The following PGS1 variants were observed in gnomAD, a reference collection of about 807,000 sequenced individuals.
PGS1 encodes CDP-diacylglycerol--glycerol-3-phosphate 3-phosphatidyltransferase, mitochondrial.
A neutral mutation model predicts 58.3 loss-of-function variants in PGS1; 44 were observed. That is an observed-to-expected ratio of 0.75 (90% confidence interval 0.59 to 0.97). The LOEUF (loss-of-function observed/expected upper bound fraction) is 0.97, where lower values mean the gene tolerates loss of function less well. Ranked by LOEUF, PGS1 falls within the 50% of genes least tolerant of loss-of-function variation. The probability of loss-of-function intolerance (pLI) is 0.00; values close to 1 mark genes in which losing one functional copy is unlikely to be tolerated. For missense variants in PGS1, 684 were observed against 731.1 expected (o/e 0.94, Z 0.74); for synonymous variants, 330 against 311.0 (o/e 1.06, Z -0.64).
At chr17:78,379,795 C>T (rs907078401) in intron 1 of PGS1, among the ~76,000 whole-genome samples, 5 of 151,370 alleles carry the variant, frequency 3.3e-5, no homozygotes, top group Admixed American at 2.0e-4. Flanking sequence ...CCTCATTGCA[C>T]TCCAGCCTAG....
chr17:78,399,064 C>T (rs2083455503), intron 4 of PGS1, among the ~76,000 whole-genome samples: 1 of 152,158 alleles, frequency 6.6e-6, no homozygotes, highest in South Asian at 2.1e-4. Flanking sequence ...TGGGGTAGTG[C>T]CCCAGGAGAA....
chr17:78,390,883 G>A (rs947487707), intron 1 of PGS1, among the ~76,000 whole-genome samples: 1 of 152,152 alleles, frequency 6.6e-6, no homozygotes, highest in Non-Finnish European at 1.5e-5. Context: ...CAGAAATGGT[G>A]TGTGACCCCA....
chr17:78,383,163 T>C (rs1356267322), intron 1 of PGS1, among the ~76,000 whole-genome samples: 2 of 152,194 alleles, frequency 1.3e-5, no homozygotes, highest in Non-Finnish European at 2.9e-5. Context: ...TGAGTGTGTG[T>C]GTTGGATGGG....
At chr17:78,413,651 G>T (rs933281167) in intron 7 of PGS1, among the ~76,000 whole-genome samples, 2 of 152,220 alleles carry the variant, frequency 1.3e-5, no homozygotes, top group Admixed American at 6.5e-5. Context: ...AGGGCAGCAC[G>T]GAGAGAAGTC....
chr17:78,418,761 C>T (rs528898431), intron 8 of PGS1, among the ~76,000 whole-genome samples: 3 of 152,078 alleles, frequency 2.0e-5, no homozygotes, highest in Non-Finnish European at 4.4e-5. Flanking sequence ...TGACTTGTCC[C>T]CCTTGCCCTC....
chr17:78,399,672 G>A (rs12450528), intron 5 of PGS1, 135 bp downstream of exon 5: 489,368 of 808,500 alleles, frequency 0.61, 149,388 homozygotes, highest in Middle Eastern at 0.69. Flanking sequence ...GTGCACCCGC[G>A]GCACCTCCCC....
Position 78,391,241 on chromosome 17 carries a change from C to T in PGS1, c.144-1235C>T, listed in dbSNP as rs373238845. The stretch of plus-strand genomic sequence containing the variant: ...GGGATTACAGGCGTGAGCCACCGTG[C>T]GCGGCCACGGCTCATCATCACTCTT... On this transcript the variant is annotated intron_variant, in intron 1 of 9. Coordinates refer to ENST00000262764, the MANE Select transcript of PGS1 (RefSeq NM_024419.5). 1.6e-4 allele frequency among the ~76,000 whole-genome samples: 25 copies of T among 152,206 alleles called. No individual in the cohort carries two copies. The East Asian group carries it at 2.3e-3, about 14-fold the overall frequency.
At position 78,400,540 on chromosome 17, in the gene PGS1, T is replaced by C. The variant is rs1320204974; in HGVS notation, c.702-137T>C. ...TTTGTCTTTTGCACGTGTTCATTGC[T>C]GAGTAGCTATTTGTTAACTGCATCT... On this transcript the variant is annotated intron_variant, in intron 5 of 9. Transcript: ENST00000262764. This position sits in a 1 kb window ranked among gnomAD's most constrained non-coding sequence, Gnocchi z 4.4. 1.8e-5 allele frequency: 13 copies of C among 717,150 alleles called. No homozygotes were observed. Among genetic ancestry groups the C allele is most frequent in the Admixed American group, 1.3e-4 (6 of 47,876 alleles). The allele number at this position is 717,150 out of a possible 1,614,324, so 44.4% of individuals were successfully genotyped here. A position where few individuals can be genotyped will look rare whatever the true frequency, so the allele number is the denominator to read the frequency against.
At chr17:78,423,823 T>TAA in intron 9 of PGS1, 1 of 1,528,092 alleles carries the variant, frequency 6.5e-7, no homozygotes, top group Non-Finnish European at 8.9e-7. Flanking sequence ...CCAGTTCCTG[T>TAA]AAAGAATAAG....
At position 78,400,059 on chromosome 17, in the gene PGS1, C is replaced by T; in HGVS notation, c.701+522C>T. ...CAGTGGCAGCTGTCACTTAGTGGGA[C>T]AGAGAGAACAAACAAACATGGGCGC... On this transcript the variant is annotated intron_variant, in intron 5 of 9. Transcript: ENST00000262764. The surrounding 1 kb of genome is among the most constrained non-coding windows in gnomAD (Gnocchi z 4.4). 4.9e-6 allele frequency: 1 copy of T among 203,634 alleles called. No individual in the cohort carries two copies. The highest frequency in any genetic ancestry group is 7.5e-5 in the South Asian group (1 of 13,360). The allele number at this position is 203,634 out of a possible 1,614,324, so 12.6% of individuals were successfully genotyped here. A position where few individuals can be genotyped will look rare whatever the true frequency, so the allele number is the denominator to read the frequency against.
intron 4 of PGS1, among the ~76,000 whole-genome samples, chr17:78,398,913 C>G (rs1372638684): frequency 1.3e-5 from 2 of 152,182 alleles, no homozygotes; most frequent in East Asian, 3.9e-4. Context: ...TCCTGACTGG[C>G]CTGACGGTGG....
rs2082901616 is a variant in PGS1, at chr17:78,392,460, A to C, written c.144-16A>C. The C allele has an allele frequency of 6.3e-7, 1 of 1,593,318 alleles. No individual in the cohort carries two copies. The highest frequency in any genetic ancestry group is 8.6e-7 in the Non-Finnish European group (1 of 1,168,310). On this transcript the variant is annotated splice_polypyrimidine_tract_variant and intron_variant, in intron 1 of 9. Transcript: ENST00000262764. ...GGTATTTGAGGTGTGACCCAGTTGC[A>C]TATTTCTTTAACCAGGTCACCATGG...
Position 78,419,793 on chromosome 17 carries a change from AAC to A in PGS1, c.*10+122_*10+123del, listed in dbSNP as rs370305999. 4.3e-5 allele frequency: 65 copies of A among 1,526,194 alleles called. No homozygotes were observed. The African/African-American group carries it at 5.6e-4, about 13-fold the overall frequency. The allele number at this position is 1,526,194 out of a possible 1,614,324, so 94.5% of individuals were successfully genotyped here. A position where few individuals can be genotyped will look rare whatever the true frequency, so the allele number is the denominator to read the frequency against. ...GGCTCTTTGATCCCTTTCTCAGTTA[AAC>A]ACAGAGCAGCATCTTCAGGGGTATG... On this transcript the variant is annotated intron_variant, in intron 9 of 9. Coordinates refer to ENST00000262764, the MANE Select transcript of PGS1 (RefSeq NM_024419.5).
intron 6 of PGS1, among the ~76,000 whole-genome samples, chr17:78,402,399 T>C (rs1471308861): frequency 1.8e-5 from 1 of 54,686 alleles, no homozygotes; most frequent in African/African-American, 5.0e-5. Flanking sequence ...TTTCTATTCA[T>C]ATATATATAT....
At position 78,399,395 on chromosome 17, in the gene PGS1, C is replaced by T. The variant is rs1282539741; in HGVS notation, c.559C>T (p.Pro187Ser). Reference sequence around the variant, plus strand: ...GCTGCTCCCACTCCTGCGGAGGTTCCCAGAGCAGGTCCGAGTCTCCCTCTT... The same window carrying T: ...GCTGCTCCCACTCCTGCGGAGGTTCTCAGAGCAGGTCCGAGTCTCCCTCTT... ...TMLLPLLRRF[P>S]EQVRVSLFHT... Residue 187 changes from proline (P) to serine (S), a missense_variant, in exon 5 of 10, where the codon CCA (proline) becomes TCA (serine). By Grantham distance (74) the Pro-to-Ser change is moderately conservative (BLOSUM62 -1). Transcript: ENST00000262764. 4 of 1,614,042 alleles carry T rather than the reference C, an allele frequency of 2.5e-6. No homozygotes were observed. Among genetic ancestry groups the T allele is most frequent in the Non-Finnish European group, 3.4e-6 (4 of 1,180,048 alleles).
At chr17:78,389,586 A>T (rs1025933613) in intron 1 of PGS1, among the ~76,000 whole-genome samples, 7 of 105,168 alleles carry the variant, frequency 6.7e-5, no homozygotes, top group African/African-American at 3.2e-4. Flanking sequence ...CTCCCAAAGT[A>T]CTGGAATTAT....
At chr17:78,386,940 AGATGGTGAT>A (rs1449951135) in intron 1 of PGS1, among the ~76,000 whole-genome samples, 5 of 151,670 alleles carry the variant, frequency 3.3e-5, no homozygotes, top group Non-Finnish European at 5.9e-5. Flanking sequence ...TGTTGCAGTT[AGATGGTGAT>A]GATGGTGATG....
chr17:78,418,301 A>G (rs981474558), intron 8 of PGS1, among the ~76,000 whole-genome samples: 3 of 152,158 alleles, frequency 2.0e-5, no homozygotes, highest in African/African-American at 7.2e-5. Flanking sequence ...AATTAAGAAA[A>G]ACGGAAAGAA....
chr17:78,387,685 G>A (rs12450784), intron 1 of PGS1, among the ~76,000 whole-genome samples: 138,558 of 150,004 alleles, frequency 0.92, 64,985 homozygotes, highest in East Asian at 1. Flanking sequence ...CTGCAGCTTC[G>A]AACACCTGGG....
Sources: allele counts gnomAD v4.1 joint callset (sites outside exome capture counted in the v4.1 genomes callset), GRCh38; gene constraint gnomAD v4.1.1; non-coding constraint Gnocchi (gnomAD v3.1); transcripts MANE v1.5; gene names NCBI Gene and HGNC (gene_info 2026-07-23, HGNC 2026-07-21).